Variants in ATF6 observed in about 807,000 individuals in gnomAD.
ATF6 encodes cyclic AMP-dependent transcription factor ATF-6 alpha.
ATF6 carries 53 observed loss-of-function variants against 83.6 expected under a neutral mutation model. That is an observed-to-expected ratio of 0.63 (90% CI 0.51 to 0.80). The LOEUF is 0.80. ATF6 is among the 30% of genes least tolerant of loss of function. The pLI is 0.00. For missense variants in ATF6, 744 were observed against 797.9 expected, an observed-to-expected ratio of 0.93 and a Z score of 0.81; for synonymous variants, 288 against 285.8, an observed-to-expected ratio of 1.01 and a Z score of -0.08.
chr1:161,945,549 G>A lies in ATF6; in HGVS notation c.1805-12897G>A, dbSNP rs761652486. ...CAAAACACCATCCCATCCTTACTGC[G>A]TTTATTCTTGAATGACTTTTCACTG... On this transcript the variant is annotated intron_variant, in intron 15 of 15. Transcript: ENST00000367942. Among the ~76,000 whole-genome samples, 10 of 152,228 alleles carry A rather than the reference G, an allele frequency of 6.6e-5. No homozygotes were observed. The East Asian group carries it at 1.2e-3, about 18-fold the overall frequency.
intron 15 of ATF6, among the ~76,000 whole-genome samples, chr1:161,949,832 G>A (rs1306387808): frequency 6.6e-6 from 1 of 152,102 alleles, no homozygotes; most frequent in African/African-American, 2.4e-5. Flanking sequence ...CTCCCATTAA[G>A]CCCCACCTCC....
At chr1:161,789,030 T>C (rs1034296170) in intron 4 of ATF6, among the ~76,000 whole-genome samples, 1 of 152,014 alleles carries the variant, frequency 6.6e-6, no homozygotes, top group Non-Finnish European at 1.5e-5. Flanking sequence ...GGGTACATGG[T>C]AGGCATATAT....
chr1:161,820,263 C>T (rs1345961219), intron 8 of ATF6, among the ~76,000 whole-genome samples: 1 of 152,190 alleles, frequency 6.6e-6, no homozygotes, highest in Non-Finnish European at 1.5e-5. Flanking sequence ...GGGAAATTTG[C>T]TGTTTTCAGA....
chr1:161,914,290 G>A (rs1688047533), intron 15 of ATF6, among the ~76,000 whole-genome samples: 1 of 152,090 alleles, frequency 6.6e-6, no homozygotes, highest in Non-Finnish European at 1.5e-5. Context: ...GTCTGCAGCA[G>A]GGCAGGTGGT....
Position 161,958,466 on chromosome 1 carries a change from G to T in ATF6, c.1825G>T (p.Asp609Tyr), listed in dbSNP as rs778246635. Residue 609 changes from aspartate to tyrosine, a missense_variant, in exon 16 of 16, where the codon GAC becomes TAC. By Grantham distance (160) the Asp-to-Tyr change is radical. Transcript: ENST00000367942. ...TGCAGAGAATGTGATCAATGGGCAG[G>T]ACTACGAAGTGATGATGCAGATTGA... ...NINENVINGQDYEVMMQIDCQ... is the reference protein window; with the variant it reads ...NINENVINGQYYEVMMQIDCQ... The T allele has an allele frequency of 9.3e-6, 15 of 1,609,170 alleles. No individual in the cohort carries two copies. The highest frequency in any genetic ancestry group is 1.7e-6 in the Non-Finnish European group (2 of 1,177,340).
At chr1:161,830,921 T>G (rs1241604955) in intron 9 of ATF6, among the ~76,000 whole-genome samples, 1 of 152,114 alleles carries the variant, frequency 6.6e-6, no homozygotes, top group Non-Finnish European at 1.5e-5. Context: ...CCAAAAGCAA[T>G]GGCAACAAAA....
At position 161,962,660 on chromosome 1, in the gene ATF6, C is replaced by G. The variant is rs2101929383; in HGVS notation, c.*4006C>G. ...AAGAGTTAGAGCCTGATCTGATGCC[C>G]CCTTTCACTCTGAAGTCATGGGAAA... On this transcript the variant is annotated 3_prime_UTR_variant, in exon 16 of 16. Transcript: ENST00000367942. 6.6e-6 allele frequency: 1 copy of G among 152,322 alleles called. No homozygotes were observed. The highest frequency in any genetic ancestry group is 1.9e-4 in the East Asian group (1 of 5,190). The allele number at this position is 152,322 out of a possible 1,614,324, so 9.4% of individuals were successfully genotyped here.
chr1:161,849,959 A>G (rs556464174), intron 10 of ATF6, among the ~76,000 whole-genome samples: 72 of 152,216 alleles, frequency 4.7e-4, no homozygotes, highest in Admixed American at 4.6e-3. Flanking sequence ...CTGTCTTTCA[A>G]CAAGTGTTGT....
At chr1:161,839,833 G>A (rs1205045485) in intron 9 of ATF6, among the ~76,000 whole-genome samples, 2 of 152,168 alleles carry the variant, frequency 1.3e-5, no homozygotes, top group Non-Finnish European at 2.9e-5. Flanking sequence ...TGTCTTGCAT[G>A]TTCAAGGAAA....
chr1:161,778,427 T>C (rs1684569543), intron 2 of ATF6, 107 bp downstream of exon 2: 1 of 784,674 alleles, frequency 1.3e-6, no homozygotes, highest in Admixed American at 2.6e-5. Flanking sequence ...AGTTACATAC[T>C]TAATGGTAAA....
At chr1:161,898,065 G>C (rs1234233764) in intron 14 of ATF6, among the ~76,000 whole-genome samples, 2 of 152,078 alleles carry the variant, frequency 1.3e-5, no homozygotes, top group East Asian at 3.8e-4. Flanking sequence ...TTGACTCCTA[G>C]TAAATTTTTA....
At chr1:161,833,907 G>A (rs998149453) in intron 9 of ATF6, among the ~76,000 whole-genome samples, 5 of 152,052 alleles carry the variant, frequency 3.3e-5, no homozygotes, top group African/African-American at 4.8e-5. Flanking sequence ...TACAGAGAAC[G>A]CCACAAAGAT....
At chr1:161,854,169 A>C (rs567490856) in intron 12 of ATF6, among the ~76,000 whole-genome samples, 1 of 152,340 alleles carries the variant, frequency 6.6e-6, no homozygotes, top group South Asian at 2.1e-4. Flanking sequence ...CAACATTGTT[A>C]AGGTAATTAA....
chr1:161,923,563 C>T (rs1688256014), intron 15 of ATF6, among the ~76,000 whole-genome samples: 1 of 152,160 alleles, frequency 6.6e-6, no homozygotes, highest in Non-Finnish European at 1.5e-5. Context: ...AATGGTAGAG[C>T]TGCCTTTATA....
At chr1:161,784,716 T>C (rs1043999545) in intron 4 of ATF6, among the ~76,000 whole-genome samples, 1 of 152,204 alleles carries the variant, frequency 6.6e-6, no homozygotes, top group Non-Finnish European at 1.5e-5. Context: ...GTGCTATAAA[T>C]TGTGGTATCT....
intron 15 of ATF6, among the ~76,000 whole-genome samples, chr1:161,913,240 C>CT (rs1222671257): frequency 6.6e-6 from 1 of 152,086 alleles, no homozygotes; most frequent in Non-Finnish European, 1.5e-5. Flanking sequence ...TAGCAAAAAC[C>CT]TCAGTATATG....
intron 9 of ATF6, among the ~76,000 whole-genome samples, chr1:161,827,566 C>G (rs1335916359): frequency 6.6e-6 from 1 of 151,786 alleles, no homozygotes; most frequent in Non-Finnish European, 1.5e-5. Flanking sequence ...GAACAGATCA[C>G]ATTACCGAGT....
intron 13 of ATF6, among the ~76,000 whole-genome samples, chr1:161,861,216 C>T (rs75983824): frequency 0.013 from 1,977 of 152,258 alleles, 46 homozygotes; most frequent in African/African-American, 0.044. Flanking sequence ...AGCTCTACCA[C>T]ACATTTGCAG....
chr1:161,933,298 T>C (rs1290415175), intron 15 of ATF6, among the ~76,000 whole-genome samples: 1 of 152,240 alleles, frequency 6.6e-6, no homozygotes, highest in Non-Finnish European at 1.5e-5. Context: ...TCTGAAAATA[T>C]ATAAGGAAGT....
Sources: allele counts gnomAD v4.1 joint callset (sites outside exome capture counted in the v4.1 genomes callset), GRCh38; gene constraint gnomAD v4.1.1; transcripts MANE v1.5; gene names NCBI Gene and HGNC (gene_info 2026-07-23, HGNC 2026-07-21).